Variants in CES5A observed in about 807,000 individuals in gnomAD.
CES5A encodes carboxylesterase 5A, also known as carboxylesterase 5.
CES5A carries 67 observed loss-of-function variants against 62.9 expected under a neutral mutation model. The ratio of observed to expected loss-of-function variants is 1.07; its 90% CI spans 0.88 to 1.31. The LOEUF (loss-of-function observed/expected upper bound fraction) is 1.31, where lower values mean the gene tolerates loss of function less well. Among genes scored for constraint, CES5A ranks in the 50% most tolerant of loss-of-function variants. CES5A has a pLI of 0.00. For synonymous variants in CES5A, 296 were observed against 280.8 expected, an observed-to-expected ratio of 1.05 and a Z score of -0.54; for missense variants, 748 against 708.5, an observed-to-expected ratio of 1.06 and a Z score of -0.63.
intron 1 of CES5A, among the ~76,000 whole-genome samples, chr16:55,885,131 C>T (rs915884433): frequency 6.6e-6 from 1 of 152,192 alleles, no homozygotes; most frequent in Non-Finnish European, 1.5e-5. Flanking sequence ...TACTCTACTG[C>T]CTTTGTAGGC....
chr16:55,905,105 A>G lies in CES5A; in HGVS notation c.-256+20218T>C, dbSNP rs186691624. ...CAAGTTTTATAAATTTTCTTTCCAA[A>G]CAGGTTGCTAAATGTGCCAGCAGCC... On this transcript the variant is annotated intron_variant, in intron 1 of 12. Coordinates refer to the CES5A transcript ENST00000518005. Among the ~76,000 whole-genome samples the G allele has an allele frequency of 1.5e-3, 236 of 152,274 alleles. 2 individuals are homozygous for G. Among genetic ancestry groups the G allele is most frequent in the Non-Finnish European group, 1.9e-3 (131 of 68,034 alleles).
intron 2 of CES5A, among the ~76,000 whole-genome samples, chr16:55,931,498 C>T (rs780305502): frequency 6.6e-6 from 1 of 152,226 alleles, no homozygotes; most frequent in African/African-American, 2.4e-5. Flanking sequence ...TGATCTGGCC[C>T]TTGCTCTGTC....
At chr16:55,902,705 G>A (rs1005949817) in intron 1 of CES5A, among the ~76,000 whole-genome samples, 3 of 152,218 alleles carry the variant, frequency 2.0e-5, no homozygotes, top group Admixed American at 2.0e-4. Flanking sequence ...CAAAAGTGCA[G>A]TCCCTGTCAG....
chr16:55,933,873 A>G (rs1460186901), intron 2 of CES5A, among the ~76,000 whole-genome samples: 5 of 152,100 alleles, frequency 3.3e-5, no homozygotes, highest in Non-Finnish European at 7.4e-5. Context: ...TGGTCTACAA[A>G]GGCCTACATA....
intron 4 of CES5A, among the ~76,000 whole-genome samples, chr16:55,868,883 A>G (rs1475558672): frequency 6.6e-6 from 1 of 152,224 alleles, no homozygotes; most frequent in Non-Finnish European, 1.5e-5. Context: ...TGAAATGAGA[A>G]TAACAACAGA....
chr16:55,949,896 T>C lies in CES5A; in HGVS notation c.49A>G (p.Arg17Gly), dbSNP rs888510733. 1.1e-5 allele frequency: 16 copies of C among 1,449,690 alleles called. No homozygotes were observed. The Admixed American group carries it at 1.3e-4, about 12-fold the overall frequency. The allele number at this position is 1,449,690 out of a possible 1,614,324, so 89.8% of individuals were successfully genotyped here. The change falls in exon 2 of 14, where the codon AGG (arginine) becomes GGG (glycine). Residue 17 changes from arginine (R) to glycine (G), a missense_variant. Physicochemically the swap from Arg to Gly is moderately radical, Grantham distance 125 (BLOSUM62 -2). Transcript: ENST00000521992. The stretch of plus-strand genomic sequence containing the variant: ...AATCTCCACATTCCCCTTCTTATCC[T>C]AAACTCCTGGAAAAAAAGAAATAAT...
chr16:55,846,578 G>T lies in CES5A; in HGVS notation c.1601C>A (p.Pro534Gln), dbSNP rs142487845. The T allele has an allele frequency of 7.4e-6, 12 of 1,614,148 alleles. No individual in the cohort carries two copies. The highest frequency in any genetic ancestry group is 2.2e-5 in the South Asian group (2 of 91,076). Residue 534 changes from proline to glutamine, a missense_variant, in exon 13 of 13, where the codon CCG (proline) becomes CAG (glutamine). Transcript: ENST00000290567. ...GGTGCTGGTCCAAAAATCCACCCGC[G>T]GTTCTTTGAGTCTCTGTCCGAGGCT... is the stretch of plus-strand genomic sequence containing the variant. Reference protein sequence around the residue: ...NMSLGQRLKEPRVDFWTSTIP... With the variant: ...NMSLGQRLKEQRVDFWTSTIP...
At chr16:55,867,122 CG>C (rs2142405259) in intron 4 of CES5A, among the ~76,000 whole-genome samples, 1 of 152,290 alleles carries the variant, frequency 6.6e-6, no homozygotes, top group East Asian at 1.9e-4. Context: ...CCCCCAACCC[CG>C]TGCTCCCTCT....
chr16:55,915,110 C>A (rs1444138038), intron 1 of CES5A, among the ~76,000 whole-genome samples: 1 of 152,052 alleles, frequency 6.6e-6, no homozygotes, highest in African/African-American at 2.4e-5. Context: ...TTACTCCAGG[C>A]TGGAATTAGT....
intron 1 of CES5A, among the ~76,000 whole-genome samples, chr16:55,920,175 G>A (rs1230174180): frequency 6.6e-6 from 1 of 152,134 alleles, no homozygotes; most frequent in Non-Finnish European, 1.5e-5. Flanking sequence ...AAAAGAACTG[G>A]ACTCTCACAT....
At chr16:55,873,098 C>T (rs2033625986) in intron 2 of CES5A, among the ~76,000 whole-genome samples, 2 of 152,108 alleles carry the variant, frequency 1.3e-5, no homozygotes, top group African/African-American at 2.4e-5. Flanking sequence ...ACCCATGTGG[C>T]CCAACCTGAG....
At position 55,938,735 on chromosome 16, in the gene CES5A, C is replaced by CAA. The variant is rs1171756916; in HGVS notation, c.160+11048_160+11049dup. On this transcript the variant is annotated intron_variant, in intron 2 of 13. Coordinates refer to the CES5A transcript ENST00000521992. ...TGGGGGAGAGAGTGAGACTCCATCTCAAAAAAAAAAAAAAAAAAAAAAAAA... is the reference window on the plus strand; with the variant it reads ...TGGGGGAGAGAGTGAGACTCCATCTCAAAAAAAAAAAAAAAAAAAAAAAAAAA... Among the ~76,000 whole-genome samples, 12 of 29,124 alleles carry CAA rather than the reference C, an allele frequency of 4.1e-4. 1 individual carries two copies. In the East Asian group the frequency reaches 5.9e-3, roughly 14 times the overall value. The allele number at this position is 29,124 out of a possible 152,430, so 19.1% of individuals were successfully genotyped here.
chr16:55,870,721 T>A (rs1186229903), intron 3 of CES5A, among the ~76,000 whole-genome samples: 1 of 152,138 alleles, frequency 6.6e-6, no homozygotes, highest in African/African-American at 2.4e-5. Flanking sequence ...AAGAGTAAAA[T>A]TTTTATTGAT....
rs200819256 is a variant in CES5A at position 55,856,361 on chromosome 16, C to A, written c.1125+16G>T. On this transcript the variant is annotated intron_variant, in intron 9 of 12. Transcript: ENST00000290567. Reference sequence around the variant, plus strand: ...GCATGTGTCTCTGGAGTACTGCAGCCTCCCAAGCTACTCACCAGGATGTTT... The same window carrying A: ...GCATGTGTCTCTGGAGTACTGCAGCATCCCAAGCTACTCACCAGGATGTTT... 118 of 1,613,432 alleles carry A rather than the reference C, an allele frequency of 7.3e-5. No homozygotes were observed. Among genetic ancestry groups the A allele is most frequent in the Non-Finnish European group, 9.7e-5 (114 of 1,179,576 alleles).
intron 1 of CES5A, among the ~76,000 whole-genome samples, chr16:55,874,417 C>T (rs1434316611): frequency 6.6e-6 from 1 of 152,130 alleles, no homozygotes; most frequent in African/African-American, 2.4e-5. Context: ...ACTTCTGTCA[C>T]TCCACACCCT....
chr16:55,889,191 T>G (rs2033848100), intron 1 of CES5A, among the ~76,000 whole-genome samples: 1 of 151,872 alleles, frequency 6.6e-6, no homozygotes, highest in African/African-American at 2.4e-5. Flanking sequence ...TTCAACGCAA[T>G]GCTTCTGACA....
At chr16:55,863,317 G>A (rs1170256682) in intron 6 of CES5A, 31 bp downstream of exon 6, 25 of 1,116,220 alleles carry the variant, frequency 2.2e-5, no homozygotes, top group Non-Finnish European at 3.2e-5. Context: ...CTGAGGAGAG[G>A]AAGGTGGCAA....
intron 1 of CES5A, among the ~76,000 whole-genome samples, chr16:55,908,633 T>C (rs541367013): frequency 6.6e-6 from 1 of 152,350 alleles, no homozygotes; most frequent in Admixed American, 6.5e-5. Context: ...GTGCTGGGAT[T>C]ACAAGCGTGA....
Position 55,859,527 on chromosome 16 carries a change from T to C in CES5A, c.1056+20A>G. 2 of 1,607,650 alleles carry C rather than the reference T, an allele frequency of 1.2e-6. No homozygotes were observed. Among genetic ancestry groups the C allele is most frequent in the Non-Finnish European group, 8.5e-7 (1 of 1,177,988 alleles). On this transcript the variant is annotated intron_variant, in intron 8 of 12. Coordinates refer to ENST00000290567, the MANE Select transcript of CES5A (RefSeq NM_001143685.2). ...ATCACGGTTTGAGGGAGTGGCAGTA[T>C]GGACAGCCAGAATTCTTACCATAGG...
Sources: allele counts gnomAD v4.1 joint callset (sites outside exome capture counted in the v4.1 genomes callset), GRCh38; gene constraint gnomAD v4.1.1; transcripts MANE v1.5; gene names NCBI Gene and HGNC (gene_info 2026-07-23, HGNC 2026-07-21).